The following OXR1 variants were observed in gnomAD, a reference collection of about 807,000 sequenced individuals.
OXR1 encodes the protein oxidation resistance 1, also known as oxidation resistance protein 1.
A neutral mutation model predicts 104.6 loss-of-function variants in OXR1; 41 were observed. The observed-to-expected ratio is 0.39, with a 90% CI of 0.31 to 0.51. OXR1 has a LOEUF of 0.51. OXR1 is among the 20% of genes least tolerant of loss of function. The pLI, the probability that OXR1 is intolerant of heterozygous loss-of-function variation, is 0.77. For synonymous variants in OXR1, 348 were observed against 348.4 expected, an observed-to-expected ratio of 1.00 and a Z score of 0.01; for missense variants, 955 against 1,031.9, an observed-to-expected ratio of 0.93 and a Z score of 1.02.
chr8:106,485,192 T>C (rs552445330), intron 2 of OXR1, among the ~76,000 whole-genome samples: 22 of 152,180 alleles, frequency 1.4e-4, no homozygotes, highest in African/African-American at 4.8e-4. Flanking sequence ...AGGTAGAGCA[T>C]GGATAATTTT....
intron 3 of OXR1, among the ~76,000 whole-genome samples, chr8:106,600,412 T>C (rs1435180198): frequency 6.6e-6 from 1 of 152,170 alleles, no homozygotes; most frequent in African/African-American, 2.4e-5. Context: ...CTAGGTTCTT[T>C]CTTGAGCACT....
intron 2 of OXR1, among the ~76,000 whole-genome samples, chr8:106,417,992 T>G (rs552550136): frequency 2.0e-5 from 3 of 152,230 alleles, no homozygotes; most frequent in Non-Finnish European, 4.4e-5. Flanking sequence ...GGAGAGGGCT[T>G]GAAGTCTCAG....
intron 3 of OXR1, among the ~76,000 whole-genome samples, chr8:106,551,610 T>C (rs1329239913): frequency 2.6e-5 from 4 of 151,820 alleles, no homozygotes; most frequent in African/African-American, 9.7e-5. Context: ...GGGATGTTTC[T>C]TTGTTTCTCT....
chr8:106,585,733 A>G (rs1311049532), intron 3 of OXR1, among the ~76,000 whole-genome samples: 2 of 152,178 alleles, frequency 1.3e-5, no homozygotes, highest in African/African-American at 2.4e-5. Flanking sequence ...AGTAAGAGTA[A>G]GCCTCATTGA....
chr8:106,734,552 G>A (rs1389105068), intron 11 of OXR1, among the ~76,000 whole-genome samples: 1 of 152,072 alleles, frequency 6.6e-6, no homozygotes, highest in Non-Finnish European at 1.5e-5. Flanking sequence ...GGTTTGTTTT[G>A]GAGTAATCTT....
In OXR1 at chr8:106,710,671, G is replaced by A. The variant is rs760586673; in HGVS notation, c.1674G>A (p.Leu558=). ...EKQRHRLHKF[L]CLRVGKPMRK... ...AAAGGCATCGATTACATAAGTTCTT[G>A]TGTCTCAGAGTTGGAAAACCAATGA... Residue 558 remains leucine, a synonymous_variant, in exon 10 of 17, where the codon TTG becomes TTA. Transcript: ENST00000517566. 3 of 1,601,148 alleles carry A rather than the reference G, an allele frequency of 1.9e-6. No homozygotes were observed. Among genetic ancestry groups the A allele is most frequent in the African/African-American group, 2.7e-5 (2 of 74,290 alleles).
At chr8:106,740,249 A>G in intron 13 of OXR1, 94 bp from the exon 14 acceptor site, 2 of 840,002 alleles carry the variant, frequency 2.4e-6, no homozygotes, top group South Asian at 3.6e-5. Flanking sequence ...TATAGCCTAT[A>G]TTATATAGGC....
intron 2 of OXR1, chr8:106,447,943 G>C (rs1268962698): frequency 6.5e-7 from 1 of 1,534,412 alleles, no homozygotes; most frequent in African/African-American, 1.4e-5. Flanking sequence ...TCTAGTACGG[G>C]GCTCACAGGT....
At position 106,657,744 on chromosome 8, in the gene OXR1, GC is replaced by G. The variant is rs1227171254; in HGVS notation, c.221-21464del. On this transcript the variant is annotated intron_variant, in intron 3 of 16. Transcript: ENST00000517566. ...GTTCTGCCTCATTTTGCATTTAGAA[GC>G]CACAAGAAAAACTTTTCGAAAACTT... The G allele has an allele frequency of 4.8e-6, 4 of 841,792 alleles. No homozygotes were observed. The Admixed American group carries it at 1.3e-4, about 28-fold the overall frequency. 52.1% of individuals were successfully genotyped at this position (841,792 alleles called of 1,614,324 possible).
chr8:106,457,462 T>A (rs529922859), intron 2 of OXR1, among the ~76,000 whole-genome samples: 2 of 152,266 alleles, frequency 1.3e-5, no homozygotes, highest in South Asian at 2.1e-4. Flanking sequence ...AAAGCCAGAC[T>A]AAGACAGAAA....
intron 3 of OXR1, among the ~76,000 whole-genome samples, 194 bp downstream of exon 3, chr8:106,519,333 A>G (rs1400783702): frequency 1.3e-5 from 2 of 152,236 alleles, no homozygotes; most frequent in Non-Finnish European, 2.9e-5. Context: ...GCAAAGTTAA[A>G]TAAAAGCAGG....
At chr8:106,308,563 C>T (rs1463439928) in intron 1 of OXR1, among the ~76,000 whole-genome samples, 1 of 152,178 alleles carries the variant, frequency 6.6e-6, no homozygotes, top group Non-Finnish European at 1.5e-5. Flanking sequence ...AATTCCTTGC[C>T]TTCCCTGTGT....
At chr8:106,286,677 A>G (rs1812515290) in intron 1 of OXR1, among the ~76,000 whole-genome samples, 1 of 136,838 alleles carries the variant, frequency 7.3e-6, no homozygotes, top group South Asian at 2.6e-4. Context: ...GTTGCTATGT[A>G]CTACAGAAAC....
At chr8:106,461,054 G>A (rs1820884159) in intron 2 of OXR1, among the ~76,000 whole-genome samples, 1 of 152,096 alleles carries the variant, frequency 6.6e-6, no homozygotes, top group South Asian at 2.1e-4. Context: ...GGACATAATA[G>A]CAAAGCACGT....
chr8:106,593,411 C>T (rs115697196), intron 3 of OXR1, among the ~76,000 whole-genome samples: 4,346 of 152,180 alleles, frequency 0.029, 221 homozygotes, highest in African/African-American at 0.1. Context: ...TCTTTGCATC[C>T]GAAACAGCAC....
intron 1 of OXR1, among the ~76,000 whole-genome samples, chr8:106,352,161 G>A (rs183042598): frequency 3.9e-4 from 60 of 152,280 alleles, no homozygotes; most frequent in African/African-American, 1.4e-3. Context: ...GAAGACAGTG[G>A]ATAGAGGTAG....
intron 3 of OXR1, among the ~76,000 whole-genome samples, chr8:106,590,148 T>G (rs549417950): frequency 6.6e-6 from 1 of 152,340 alleles, no homozygotes; most frequent in South Asian, 2.1e-4. Flanking sequence ...GAAAGTAATT[T>G]CAAAGAGTTA....
chr8:106,333,125 A>G (rs1343769163), intron 1 of OXR1, among the ~76,000 whole-genome samples: 1 of 152,076 alleles, frequency 6.6e-6, no homozygotes, highest in Non-Finnish European at 1.5e-5. Context: ...GTTTTGTGTG[A>G]ACATATATTT....
At chr8:106,478,435 A>C (rs1821922178) in intron 2 of OXR1, among the ~76,000 whole-genome samples, 1 of 151,864 alleles carries the variant, frequency 6.6e-6, no homozygotes, top group African/African-American at 2.4e-5. Flanking sequence ...ATTACATTTT[A>C]ATTCACACTT....
Sources: allele counts gnomAD v4.1 joint callset (sites outside exome capture counted in the v4.1 genomes callset), GRCh38; gene constraint gnomAD v4.1.1; transcripts MANE v1.5; gene names NCBI Gene and HGNC (gene_info 2026-07-23, HGNC 2026-07-21).